The following SLC6A5 variants were observed in gnomAD, a reference collection of about 807,000 sequenced individuals.
SLC6A5 encodes solute carrier family 6 member 5.
Under a neutral mutation model 90.5 loss-of-function variants are expected in SLC6A5, and 58 were observed. The observed-to-expected ratio is 0.64, with a 90% CI of 0.52 to 0.80. The LOEUF is 0.80. Among genes scored for constraint, SLC6A5 ranks in the 30% least tolerant of loss-of-function variants. The pLI, the probability that SLC6A5 is intolerant of heterozygous loss-of-function variation, is 0.00. For synonymous variants in SLC6A5, 427 were observed against 401.4 expected (o/e 1.06, Z -0.76); for missense variants, 1,015 against 1,017.6 (o/e 1.00, Z 0.03).
chr11:20,653,154 C>A (rs1853573593), intron 15 of SLC6A5, among the ~76,000 whole-genome samples: 1 of 152,166 alleles, frequency 6.6e-6, no homozygotes, highest in Non-Finnish European at 1.5e-5. Context: ...GAGTCACTTG[C>A]TCAGGTGTGC....
chr11:20,627,019 G>A (rs1590169085), intron 8 of SLC6A5, among the ~76,000 whole-genome samples, 177 bp downstream of exon 8: 1 of 152,148 alleles, frequency 6.6e-6, no homozygotes, highest in South Asian at 2.1e-4. Context: ...ACAACTGAGG[G>A]TTTTTAGATT....
At chr11:20,627,080 G>A (rs1363245412) in intron 8 of SLC6A5, among the ~76,000 whole-genome samples, 1 of 152,184 alleles carries the variant, frequency 6.6e-6, no homozygotes, top group Non-Finnish European at 1.5e-5. Context: ...CGAAAATGAA[G>A]AATGAAATCC....
intron 7 of SLC6A5, among the ~76,000 whole-genome samples, chr11:20,619,171 G>C (rs971368273): frequency 2.6e-5 from 4 of 152,166 alleles, no homozygotes; most frequent in African/African-American, 4.8e-5. Flanking sequence ...CCAGGCCAAG[G>C]ATTTCTGCGA....
intron 13 of SLC6A5, among the ~76,000 whole-genome samples, chr11:20,644,851 G>T (rs1853380602): frequency 6.6e-6 from 1 of 150,722 alleles, no homozygotes; most frequent in Admixed American, 6.6e-5. Flanking sequence ...CGCTCTGGTT[G>T]CCCAGGCTGG....
chr11:20,637,467 G>A (rs1853231991), intron 12 of SLC6A5, among the ~76,000 whole-genome samples, 164 bp downstream of exon 12: 2 of 152,164 alleles, frequency 1.3e-5, no homozygotes, highest in Non-Finnish European at 2.9e-5. Context: ...ACTGCAGAGG[G>A]AAATATGTCA....
chr11:20,652,397 A>AAT lies in SLC6A5; in HGVS notation c.2179_2180insAT (p.Ile727AsnfsTer9). 6.2e-7 allele frequency: 1 copy of AAT among 1,614,132 alleles called. No homozygotes were observed. The highest frequency in any genetic ancestry group is 2.2e-5 in the East Asian group (1 of 44,872). On this transcript the variant is annotated frameshift_variant, in exon 15 of 16. Transcript: ENST00000525748. LOFTEE classifies it high-confidence loss of function. ...ATGGCTAATGCTCGCCTGTTCCGTCATCTGGATCCCAATTATGTTTGTGAT... is the reference window on the plus strand; with the variant it reads ...ATGGCTAATGCTCGCCTGTTCCGTCAATTCTGGATCCCAATTATGTTTGTGAT...
chr11:20,629,720 C>CTG (rs1345499991), intron 9 of SLC6A5, among the ~76,000 whole-genome samples: 1 of 150,292 alleles, frequency 6.7e-6, no homozygotes, highest in African/African-American at 2.4e-5. Context: ...TCTCATAGTG[C>CTG]TGTAGGATGA....
chr11:20,611,621 A>G (rs188992583), intron 5 of SLC6A5, among the ~76,000 whole-genome samples: 4 of 152,174 alleles, frequency 2.6e-5, no homozygotes, highest in Admixed American at 2.0e-4. Context: ...GTTTCCTCCT[A>G]TCTCCTTGTT....
chr11:20,615,590 A>G (rs1016622631), intron 6 of SLC6A5, among the ~76,000 whole-genome samples: 7 of 152,138 alleles, frequency 4.6e-5, no homozygotes, highest in Non-Finnish European at 8.8e-5. Flanking sequence ...GATGGCCTCG[A>G]TATCCTGACC....
At chr11:20,652,213 C>T (rs946245091) in intron 14 of SLC6A5, 76 bp from the exon 15 acceptor site, 185 of 1,319,078 alleles carry the variant, frequency 1.4e-4, no homozygotes, top group Non-Finnish European at 1.8e-4. Context: ...AAACTCATAA[C>T]GGGGGTTTAA....
chr11:20,632,473 C>T (rs1416089673), intron 10 of SLC6A5, among the ~76,000 whole-genome samples: 1 of 152,112 alleles, frequency 6.6e-6, no homozygotes, highest in Non-Finnish European at 1.5e-5. Flanking sequence ...TGAAATTTCT[C>T]CTTTCCAATG....
At chr11:20,600,388 A>AAGAAGT (rs1852442394) in intron 1 of SLC6A5, among the ~76,000 whole-genome samples, 1 of 149,630 alleles carries the variant, frequency 6.7e-6, no homozygotes. Flanking sequence ...GAAGAAGAAG[A>AAGAAGT]AGAAGAAGAA....
At chr11:20,646,138 G>T (rs774171060) in intron 13 of SLC6A5, among the ~76,000 whole-genome samples, 1 of 152,182 alleles carries the variant, frequency 6.6e-6, no homozygotes, top group Non-Finnish European at 1.5e-5. Flanking sequence ...TTCAAGGAGT[G>T]GTTTTAAAAA....
intron 13 of SLC6A5, among the ~76,000 whole-genome samples, chr11:20,640,747 C>G (rs1201733202): frequency 6.6e-6 from 1 of 151,570 alleles, no homozygotes; most frequent in African/African-American, 2.4e-5. Context: ...TAATTTATAT[C>G]CCAGAAGACA....
intron 14 of SLC6A5, among the ~76,000 whole-genome samples, chr11:20,652,058 G>T (rs1590184515): frequency 6.6e-6 from 1 of 152,088 alleles, no homozygotes; most frequent in Non-Finnish European, 1.5e-5. Flanking sequence ...CACACATATT[G>T]CTCCGCTCCC....
chr11:20,637,406 G>A (rs537066986), intron 12 of SLC6A5, 103 bp downstream of exon 12: 2 of 1,010,536 alleles, frequency 2.0e-6, no homozygotes, highest in Admixed American at 3.9e-5. Context: ...ATAATCAAAG[G>A]CAAATCACTA....
chr11:20,603,676 C>T (rs1041999467), intron 2 of SLC6A5, among the ~76,000 whole-genome samples: 1 of 152,166 alleles, frequency 6.6e-6, no homozygotes, highest in Non-Finnish European at 1.5e-5. Flanking sequence ...TTGAAGGATG[C>T]CTTCTTAAAT....
intron 2 of SLC6A5, among the ~76,000 whole-genome samples, chr11:20,603,383 C>T (rs543168171): frequency 1.7e-4 from 26 of 152,268 alleles, no homozygotes; most frequent in Non-Finnish European, 3.4e-4. Context: ...AAAGCATCTT[C>T]GTGTGAGCTT....
chr11:20,624,873 TC>T (rs1182937213), intron 7 of SLC6A5, among the ~76,000 whole-genome samples: 4 of 152,204 alleles, frequency 2.6e-5, no homozygotes. Context: ...TACTTCTGTT[TC>T]CAGTGCCCTG....
Sources: gnomAD v4.1 joint callset for allele counts (sites outside exome capture counted in the v4.1 genomes callset) on GRCh38, gnomAD v4.1.1 for gene constraint, MANE v1.5 for transcripts, NCBI Gene and HGNC (gene_info 2026-07-23, HGNC 2026-07-21) for gene names.